The following BICC1 variants were observed in gnomAD, a reference collection of about 807,000 sequenced individuals.
BICC1 encodes BicC family RNA binding protein 1.
In BICC1, 43 loss-of-function variants were observed where a neutral mutation model predicts 111.0. That is an observed-to-expected ratio of 0.39 (90% confidence interval 0.30 to 0.50). The LOEUF (loss-of-function observed/expected upper bound fraction) is 0.50, where lower values mean the gene tolerates loss of function less well. Among genes scored for constraint, BICC1 ranks in the 20% least tolerant of loss-of-function variants. BICC1 has a pLI of 0.88. For missense variants in BICC1, 1,091 were observed against 1,203.2 expected (o/e 0.91, Z 1.38); for synonymous variants, 467 against 434.4 (o/e 1.07, Z -0.93).
At chr10:58,726,357 A>G (rs1328447096) in intron 3 of BICC1, among the ~76,000 whole-genome samples, 4 of 152,216 alleles carry the variant, frequency 2.6e-5, no homozygotes, top group Non-Finnish European at 4.4e-5. Context: ...CTGAATAGCT[A>G]TTCAATGAGA....
Position 58,627,462 on chromosome 10 carries a change from G to T in BICC1, c.237+6561G>T, listed in dbSNP as rs182537613. ...CCTACATTAATTCCTGTACTTGTCG[G>T]CATTTCCCTTAATCGAAAGATCTTG... On this transcript the variant is annotated intron_variant, in intron 2 of 20. Coordinates refer to ENST00000373886, the MANE Select transcript of BICC1 (RefSeq NM_001080512.3). Among the ~76,000 whole-genome samples the T allele has an allele frequency of 2.8e-3, 424 of 152,270 alleles. 1 individual carries two copies. Among genetic ancestry groups the T allele is most frequent in the Non-Finnish European group, 3.9e-3 (266 of 68,020 alleles).
At chr10:58,699,925 C>T (rs1840180059) in intron 2 of BICC1, among the ~76,000 whole-genome samples, 2 of 152,168 alleles carry the variant, frequency 1.3e-5, no homozygotes, top group African/African-American at 2.4e-5. Context: ...CTCCTGGCCT[C>T]AAGCAATCCT....
chr10:58,738,454 TGTTGGTGCC>T (rs1841547549), intron 3 of BICC1, among the ~76,000 whole-genome samples: 1 of 152,216 alleles, frequency 6.6e-6, no homozygotes, highest in Admixed American at 6.5e-5. Context: ...TATATCTCTG[TGTTGGTGCC>T]AGTACCATGC....
At position 58,828,830 on chromosome 10, in the gene BICC1, C is replaced by G; in HGVS notation, c.2864C>G (p.Ala955Gly). The change falls in exon 21 of 21, where the codon GCG becomes GGG. Residue 955 changes from alanine to glycine, a missense_variant. Transcript: ENST00000373886. Reference sequence around the variant, plus strand: ...CGCACCTCTTTCCTGGAAGGTGGAGCGAGTGGAAGGCTACCCCGTCAGTAT... The same window carrying G: ...CGCACCTCTTTCCTGGAAGGTGGAGGGAGTGGAAGGCTACCCCGTCAGTAT... ...NARTSFLEGGASGRLPRQYHS... is the reference protein window; with the variant it reads ...NARTSFLEGGGSGRLPRQYHS... 2 of 1,613,944 alleles carry G rather than the reference C, an allele frequency of 1.2e-6. No individual in the cohort carries two copies. The highest frequency in any genetic ancestry group is 1.7e-6 in the Non-Finnish European group (2 of 1,179,894).
intron 2 of BICC1, among the ~76,000 whole-genome samples, chr10:58,677,322 T>G (rs1457107720): frequency 1.3e-5 from 2 of 152,200 alleles, no homozygotes; most frequent in Admixed American, 1.3e-4. Flanking sequence ...TTACAGGAAC[T>G]GCTAACTAAA....
intron 1 of BICC1, among the ~76,000 whole-genome samples, chr10:58,537,150 T>G (rs1842846566): frequency 6.6e-6 from 1 of 151,752 alleles, no homozygotes; most frequent in Non-Finnish European, 1.5e-5. Flanking sequence ...AAAGCAGAAC[T>G]GGAATCAATT....
At chr10:58,712,578 T>C (rs1246082544) in intron 3 of BICC1, among the ~76,000 whole-genome samples, 1 of 152,190 alleles carries the variant, frequency 6.6e-6, no homozygotes, top group Non-Finnish European at 1.5e-5. Flanking sequence ...CTTAAATGCA[T>C]TATACTAAGT....
chr10:58,601,598 A>G (rs7097561), intron 1 of BICC1, among the ~76,000 whole-genome samples: 17,579 of 152,050 alleles, frequency 0.12, 1,276 homozygotes, highest in African/African-American at 0.21. Context: ...ACTCTTAGAA[A>G]TAGAATTACT....
At chr10:58,543,130 C>T (rs1158228224) in intron 1 of BICC1, among the ~76,000 whole-genome samples, 1 of 151,710 alleles carries the variant, frequency 6.6e-6, no homozygotes. Context: ...TGTTAATCAG[C>T]AGAGACAGGG....
chr10:58,742,776 T>A (rs1392222614), intron 3 of BICC1, among the ~76,000 whole-genome samples: 2 of 152,160 alleles, frequency 1.3e-5, no homozygotes, highest in African/African-American at 4.8e-5. Flanking sequence ...CAGCTTTGGC[T>A]TGATGTGCTT....
chr10:58,547,383 A>G (rs144072111), intron 1 of BICC1, among the ~76,000 whole-genome samples: 1 of 152,108 alleles, frequency 6.6e-6, no homozygotes, highest in African/African-American at 2.4e-5. Flanking sequence ...TCTCATGATT[A>G]TGTATTTTTG....
At position 58,579,971 on chromosome 10, in the gene BICC1, AT is replaced by A. The variant is rs67020311; in HGVS notation, c.191-40872del. Among the ~76,000 whole-genome samples, 743 of 149,244 alleles carry A rather than the reference AT, an allele frequency of 5.0e-3. 5 individuals carry two copies. The highest frequency in any genetic ancestry group is 0.016 in the African/African-American group (633 of 40,452). ...ATAATTATATTACATTTTGCCCTAAATTTTTTTTTTTTATTGTGTTTAAGAA... is the reference window on the plus strand; with the variant it reads ...ATAATTATATTACATTTTGCCCTAAATTTTTTTTTTTATTGTGTTTAAGAA... On this transcript the variant is annotated intron_variant, in intron 1 of 20. Coordinates refer to ENST00000373886, the MANE Select transcript of BICC1 (RefSeq NM_001080512.3).
At chr10:58,672,455 A>G (rs1265807921) in intron 2 of BICC1, among the ~76,000 whole-genome samples, 2 of 152,112 alleles carry the variant, frequency 1.3e-5, no homozygotes, top group East Asian at 3.9e-4. Flanking sequence ...GTTTTGTGTT[A>G]CCCCATTTGA....
At chr10:58,588,021 A>G (rs1265217673) in intron 1 of BICC1, among the ~76,000 whole-genome samples, 2 of 152,222 alleles carry the variant, frequency 1.3e-5, no homozygotes, top group African/African-American at 2.4e-5. Context: ...GAACAGACAC[A>G]TCAGCCATCC....
chr10:58,775,656 T>TG (rs1842731296), intron 3 of BICC1, among the ~76,000 whole-genome samples: 1 of 152,114 alleles, frequency 6.6e-6, no homozygotes, highest in Non-Finnish European at 1.5e-5. Flanking sequence ...AATACACAGT[T>TG]GGGGTGAGGA....
chr10:58,636,147 G>A (rs1305701514), intron 2 of BICC1, among the ~76,000 whole-genome samples: 2 of 152,132 alleles, frequency 1.3e-5, no homozygotes, highest in East Asian at 3.9e-4. Context: ...GTGATGTTGT[G>A]GGACTGTATG....
intron 2 of BICC1, among the ~76,000 whole-genome samples, chr10:58,694,610 C>T (rs570260579): frequency 6.6e-6 from 1 of 152,280 alleles, no homozygotes; most frequent in African/African-American, 2.4e-5. Flanking sequence ...GTCCTGTCCT[C>T]TGTTCAGAGT....
chr10:58,601,968 A>C (rs1845056878), intron 1 of BICC1, among the ~76,000 whole-genome samples: 1 of 152,160 alleles, frequency 6.6e-6, no homozygotes, highest in Non-Finnish European at 1.5e-5. Context: ...TAGGTGTCTC[A>C]GCCATGAAGA....
chr10:58,672,599 C>A (rs576152919), intron 2 of BICC1, among the ~76,000 whole-genome samples: 2 of 152,104 alleles, frequency 1.3e-5, no homozygotes, highest in Non-Finnish European at 2.9e-5. Context: ...AATTATATAT[C>A]GGCAAGTGGT....
Sources: gnomAD v4.1 joint callset for allele counts (sites outside exome capture counted in the v4.1 genomes callset) on GRCh38, gnomAD v4.1.1 for gene constraint, MANE v1.5 for transcripts, NCBI Gene and HGNC (gene_info 2026-07-23, HGNC 2026-07-21) for gene names.